Variants in ZBTB38 observed in about 807,000 individuals in gnomAD.
ZBTB38 encodes the protein zinc finger and BTB domain containing 38, also known as zinc finger and BTB domain-containing protein 38.
ZBTB38 carries 20 observed loss-of-function variants against 76.8 expected under a neutral mutation model. The observed-to-expected ratio is 0.26, with a 90% CI of 0.18 to 0.38. The LOEUF (loss-of-function observed/expected upper bound fraction) is 0.38, where lower values mean the gene tolerates loss of function less well. ZBTB38 is among the 10% of genes least tolerant of loss of function. ZBTB38 has a pLI of 1.00. For missense variants in ZBTB38, 1,082 were observed against 1,482.3 expected, an observed-to-expected ratio of 0.73 and a Z score of 4.43; for synonymous variants, 504 against 544.2, an observed-to-expected ratio of 0.93 and a Z score of 1.03.
Position 141,443,689 on chromosome 3 carries a change from T to C in ZBTB38, c.1301T>C (p.Ile434Thr), listed in dbSNP as rs2080702248. Reference protein sequence around the residue: ...GPEPLLSENRIGEFSSTGSTL... With the variant: ...GPEPLLSENRTGEFSSTGSTL... ...GAACCTTTATTATCTGAAAATAGGATTGGTGAATTTTCCAGTACCGGAAGT... is the reference window on the plus strand; with the variant it reads ...GAACCTTTATTATCTGAAAATAGGACTGGTGAATTTTCCAGTACCGGAAGT... The change falls in exon 6 of 6, where the codon ATT becomes ACT. Residue 434 changes from isoleucine to threonine, a missense_variant. By Grantham distance (89) the Ile-to-Thr change is moderately conservative (BLOSUM62 -1). This residue lies in a region of ZBTB38 where 324 missense variants were observed against 359.1 expected (regional missense o/e 0.90). Transcript: ENST00000321464. This position sits in a 1 kb window ranked among gnomAD's most constrained non-coding sequence, Gnocchi z 5.6. 6.2e-7 allele frequency: 1 copy of C among 1,614,058 alleles called. No individual in the cohort carries two copies. The highest frequency in any genetic ancestry group is 8.5e-7 in the Non-Finnish European group (1 of 1,180,034).
intron 5 of ZBTB38, among the ~76,000 whole-genome samples, chr3:141,428,989 TA>T (rs2076919924): frequency 6.6e-6 from 1 of 152,254 alleles, no homozygotes; most frequent in South Asian, 2.1e-4. Context: ...TTTTATAGTA[TA>T]GATTGTTCCT....
rs1015766261 is a variant in ZBTB38, at chr3:141,353,685, C to T, written c.-738-14936C>T. On this transcript the variant is annotated intron_variant, in intron 1 of 7. Coordinates refer to the ZBTB38 transcript ENST00000509842. ...TTGCTGAAGCCTGTATCTTCCACAGCGCCTTAGCAGGTAGAAATACTTGAA... is the reference window on the plus strand; with the variant it reads ...TTGCTGAAGCCTGTATCTTCCACAGTGCCTTAGCAGGTAGAAATACTTGAA... Among the ~76,000 whole-genome samples the T allele has an allele frequency of 3.3e-5, 5 of 152,080 alleles. 1 individual carries two copies. The highest frequency in any genetic ancestry group is 1.9e-4 in the East Asian group (1 of 5,204).
At chr3:141,340,970 G>GAAAGAAA (rs1553760129) in intron 1 of ZBTB38, among the ~76,000 whole-genome samples, 109 of 92,148 alleles carry the variant, frequency 1.2e-3, no homozygotes, top group Non-Finnish European at 1.6e-3. Context: ...AAGAAAGAAA[G>GAAAGAAA]AAAGAAAGAA....
intron 2 of ZBTB38, among the ~76,000 whole-genome samples, chr3:141,379,706 G>A (rs116832179): frequency 0.016 from 2,454 of 152,266 alleles, 24 homozygotes; most frequent in Non-Finnish European, 0.025. Flanking sequence ...ATTTTTAGCC[G>A]TTCATGCTAA....
intron 4 of ZBTB38, chr3:141,387,225 T>C (rs1559930673): frequency 1.3e-5 from 2 of 152,212 alleles, no homozygotes; most frequent in Admixed American, 6.5e-5. Context: ...TGTTTGTTTT[T>C]CATCACATTC....
intron 5 of ZBTB38, among the ~76,000 whole-genome samples, chr3:141,404,366 A>G (rs1407429468): frequency 1.3e-5 from 2 of 151,908 alleles, no homozygotes; most frequent in Non-Finnish European, 2.9e-5. Context: ...AGTTTAAATG[A>G]CTCTTCAGGG....
intron 1 of ZBTB38, among the ~76,000 whole-genome samples, chr3:141,354,346 C>T (rs1943602386): frequency 6.6e-6 from 1 of 152,124 alleles, no homozygotes; most frequent in East Asian, 1.9e-4. Context: ...AAGCTGGTCC[C>T]ACTTTCCAGG....
chr3:141,396,359 G>A (rs1270505416), intron 4 of ZBTB38: 2 of 154,590 alleles, frequency 1.3e-5, no homozygotes, highest in African/African-American at 4.8e-5. Flanking sequence ...TTTATAATAA[G>A]ATTGCAGAAA....
chr3:141,369,273 C>T (rs143468212), intron 1 of ZBTB38, among the ~76,000 whole-genome samples: 2 of 152,266 alleles, frequency 1.3e-5, no homozygotes, highest in Non-Finnish European at 2.9e-5. Flanking sequence ...AATATGACAG[C>T]CCTGGTAAAA....
chr3:141,345,633 C>T lies in ZBTB38; in HGVS notation c.-739+21177C>T, dbSNP rs143947992. Among the ~76,000 whole-genome samples the T allele has an allele frequency of 8.0e-3, 1,211 of 152,216 alleles. 34 individuals carry two copies. Among genetic ancestry groups the T allele is most frequent in the Non-Finnish European group, 5.3e-3 (363 of 68,004 alleles). On this transcript the variant is annotated intron_variant, in intron 1 of 7. Transcript: ENST00000509842. ...TATTCTCCCATCTCTTTCCTGGGTT[C>T]CATCTCTTAGCTTCCCTGTGTTGGC...
intron 1 of ZBTB38, among the ~76,000 whole-genome samples, chr3:141,352,792 T>C (rs963233378): frequency 6.6e-6 from 1 of 151,948 alleles, no homozygotes; most frequent in Non-Finnish European, 1.5e-5. Flanking sequence ...GGCCACTACA[T>C]GCTGCAGCCA....
chr3:141,428,042 C>T (rs904701159), intron 5 of ZBTB38, among the ~76,000 whole-genome samples: 3 of 152,232 alleles, frequency 2.0e-5, no homozygotes, highest in African/African-American at 7.2e-5. Context: ...GCCCACCACC[C>T]AGCAATGCTC....
At chr3:141,358,849 T>C (rs1457539503) in intron 1 of ZBTB38, among the ~76,000 whole-genome samples, 1 of 152,220 alleles carries the variant, frequency 6.6e-6, no homozygotes, top group Non-Finnish European at 1.5e-5. Flanking sequence ...CAGTGGCTTC[T>C]TTGATTTGGC....
chr3:141,330,160 G>T (rs929153550), intron 1 of ZBTB38, among the ~76,000 whole-genome samples: 12 of 152,292 alleles, frequency 7.9e-5, no homozygotes, highest in African/African-American at 2.9e-4. Context: ...ATGGGCACTG[G>T]GAGGTGTACG....
chr3:141,329,482 C>G (rs952801452), intron 1 of ZBTB38, among the ~76,000 whole-genome samples: 1 of 152,140 alleles, frequency 6.6e-6, no homozygotes, highest in Non-Finnish European at 1.5e-5. Flanking sequence ...AAGAATAATA[C>G]TGCCACAAGC....
intron 2 of ZBTB38, among the ~76,000 whole-genome samples, chr3:141,373,330 T>C (rs1944905453): frequency 6.6e-6 from 1 of 152,362 alleles, no homozygotes. Context: ...ACTATAGTCT[T>C]TTCAGAGCTT....
Position 141,351,721 on chromosome 3 carries a change from T to TA in ZBTB38, c.-738-16878dup, listed in dbSNP as rs11367112. ...GGTAACAGAGCAAGACTCTGTCTCT[T>TA]AAAAAAAAAAAAAAAAAAAAAAGTA... On this transcript the variant is annotated intron_variant, in intron 1 of 7. Transcript: ENST00000509842. Among the ~76,000 whole-genome samples the TA allele has an allele frequency of 4.0e-3, 495 of 123,154 alleles. 3 individuals are homozygous for TA. Among genetic ancestry groups the TA allele is most frequent in the East Asian group, 0.026 (116 of 4,430 alleles). 80.8% of individuals were successfully genotyped at this position (123,154 alleles called of 152,430 possible).
chr3:141,333,127 T>G (rs1341694357), intron 1 of ZBTB38, among the ~76,000 whole-genome samples: 1 of 152,198 alleles, frequency 6.6e-6, no homozygotes, highest in African/African-American at 2.4e-5. Flanking sequence ...TGTAAAATCC[T>G]TAGCAGGCCT....
At chr3:141,420,283 G>A (rs76999624) in intron 5 of ZBTB38, among the ~76,000 whole-genome samples, 5,083 of 152,280 alleles carry the variant, frequency 0.033, 167 homozygotes, top group Admixed American at 0.091. Flanking sequence ...GTCTTGCTGT[G>A]GTTTTGAAAC....
Sources: allele counts gnomAD v4.1 joint callset (sites outside exome capture counted in the v4.1 genomes callset), GRCh38; gene constraint gnomAD v4.1.1; regional missense constraint gnomAD v4.1.1; non-coding constraint Gnocchi (gnomAD v3.1); transcripts MANE v1.5; gene names NCBI Gene and HGNC (gene_info 2026-07-23, HGNC 2026-07-21).